Variants in FBRS observed in about 807,000 individuals in gnomAD.
FBRS encodes fibrosin, also known as probable fibrosin-1.
FBRS carries 15 observed loss-of-function variants against 86.1 expected under a neutral mutation model. That is an observed-to-expected ratio of 0.17 (90% CI 0.12 to 0.27). FBRS has a LOEUF of 0.27. Among genes scored for constraint, FBRS ranks in the 10% least tolerant of loss-of-function variants. FBRS has a pLI of 1.00. For missense variants in FBRS, 1,367 were observed against 1,301.6 expected, an observed-to-expected ratio of 1.05 and a Z score of -0.77; for synonymous variants, 666 against 575.8, an observed-to-expected ratio of 1.16 and a Z score of -2.24.
chr16:30,669,087 G>A lies in FBRS; in HGVS notation c.2385G>A (p.Arg795=). 3 of 1,598,364 alleles carry A rather than the reference G, an allele frequency of 1.9e-6. No individual in the cohort carries two copies. Among genetic ancestry groups the A allele is most frequent in the Non-Finnish European group, 2.6e-6 (3 of 1,173,464 alleles). The change falls in exon 18 of 18, where the codon CGG becomes CGA. Residue 795 remains arginine, a synonymous_variant. Coordinates refer to ENST00000356166, the MANE Select transcript of FBRS (RefSeq NM_001105079.3). This position sits in a 1 kb window ranked among gnomAD's most constrained non-coding sequence, Gnocchi z 5.9. ...CCTCCAGGGACCTCCCCTTCTCACG[G>A]CCCCAGCTCCGAGTTTCTCCTGCTA... ...EEKDRDLPFS[R]PQLRVSPATP...
chr16:30,668,671 G>T (rs529120298), intron 16 of FBRS, 28 bp downstream of exon 16: 59 of 1,588,508 alleles, frequency 3.7e-5, no homozygotes, highest in East Asian at 6.8e-5. Context: ...GGGGTGGGGG[G>T]GCTGCGGCCA....
intron 6 of FBRS, among the ~76,000 whole-genome samples, chr16:30,663,962 G>A (rs1004169495): frequency 6.6e-6 from 1 of 152,196 alleles, no homozygotes; most frequent in Non-Finnish European, 1.5e-5. Flanking sequence ...GAAAGGGAAA[G>A]TCATCTGGCC....
Position 30,659,771 on chromosome 16 carries a change from C to T in FBRS, c.253C>T (p.Arg85Cys), listed in dbSNP as rs1178565005. The T allele has an allele frequency of 2.7e-6, 4 of 1,458,890 alleles. No homozygotes were observed. The African/African-American group carries it at 4.3e-5, about 16-fold the overall frequency. The allele number at this position is 1,458,890 out of a possible 1,614,324, so 90.4% of individuals were successfully genotyped here. The stretch of plus-strand genomic sequence containing the variant: ...TGGGGGCCCGAGACGCCGGCGGCCC[C>T]GTCCGAGACCTCGACCCCCGCGACC... Reference protein sequence around the residue: ...RPGGPRRRRPRPRPRPPRPRA... With the variant: ...RPGGPRRRRPCPRPRPPRPRA... Residue 85 changes from arginine (R) to cysteine (C), a missense_variant, in exon 1 of 18, where the codon CGT (arginine) becomes TGT (cysteine). By Grantham distance (180) the Arg-to-Cys change is radical. This residue lies in a region of FBRS where 702 missense variants were observed against 598.7 expected (regional missense o/e 1.17). Transcript: ENST00000356166.
intron 15 of FBRS, 79 bp downstream of exon 15, chr16:30,667,701 C>A (rs2052540160): frequency 3.1e-6 from 4 of 1,306,940 alleles, no homozygotes; most frequent in Non-Finnish European, 4.1e-6. Flanking sequence ...CAGCAGGCAG[C>A]TGGAATGCAG....
At chr16:30,661,972 G>A (rs1435976372) in intron 4 of FBRS, 3 of 198,618 alleles carry the variant, frequency 1.5e-5, no homozygotes, top group Non-Finnish European at 3.1e-5. Flanking sequence ...TAGGCTGATT[G>A]TTGCTACGAG....
Position 30,665,677 on chromosome 16 carries a change from C to G in FBRS, c.1744C>G (p.Pro582Ala). The change falls in exon 11 of 18, where the codon CCG (proline) becomes GCG (alanine). Residue 582 changes from proline to alanine, a missense_variant. Around this residue, in one of 3 missense-constraint regions of FBRS, gnomAD observed 659 missense variants for 678.8 expected, o/e 0.97. Transcript: ENST00000356166. The surrounding 1 kb of genome is among the most constrained non-coding windows in gnomAD (Gnocchi z 4.1). ...GCTGCCACCACGACTGGGGCCGGTG[C>G]CGAGCGGGCTCTCCCAGAAGGGGAC... is the stretch of plus-strand genomic sequence containing the variant. ...PELPPRLGPVPSGLSQKGTQI... is the reference protein window; with the variant it reads ...PELPPRLGPVASGLSQKGTQI... 2 of 1,590,592 alleles carry G rather than the reference C, an allele frequency of 1.3e-6. No homozygotes were observed. The highest frequency in any genetic ancestry group is 8.6e-7 in the Non-Finnish European group (1 of 1,168,866).
At position 30,665,702 on chromosome 16, in the gene FBRS, C is replaced by T; in HGVS notation, c.1769C>T (p.Thr590Ile). The T allele has an allele frequency of 6.3e-7, 1 of 1,580,488 alleles. No homozygotes were observed. The highest frequency in any genetic ancestry group is 8.6e-7 in the Non-Finnish European group (1 of 1,163,268). ...PVPSGLSQKG[T>I]QIPDHFRPPL... ...CCGAGCGGGCTCTCCCAGAAGGGGA[C>T]ACAGGTGAGGGGGCCAGGGCAGGTC... The change falls in exon 11 of 18, where the codon ACA (threonine) becomes ATA (isoleucine). Residue 590 changes from threonine to isoleucine, a missense_variant. This residue lies in a region of FBRS where 659 missense variants were observed against 678.8 expected (regional missense o/e 0.97). Coordinates refer to ENST00000356166, the MANE Select transcript of FBRS (RefSeq NM_001105079.3). The surrounding 1 kb of genome is among the most constrained non-coding windows in gnomAD (Gnocchi z 4.1).
rs1391532475 is a variant in FBRS at position 30,662,563 on chromosome 16, G to A, written c.759G>A (p.Ser253=). The A allele has an allele frequency of 2.6e-6, 4 of 1,544,064 alleles. No individual in the cohort carries two copies. Among genetic ancestry groups the A allele is most frequent in the Non-Finnish European group, 2.6e-6 (3 of 1,142,314 alleles). ...PSFTVSTSKA[S]GPHGAFNGNC... is the part of the protein sequence containing the mutation. ...GTCTGCCATCCTGCCCCACAGCCTC[G>A]GGCCCCCACGGCGCCTTCAATGGGA... The change falls in exon 6 of 18, where the codon TCG becomes TCA. Residue 253 remains serine, a synonymous_variant. Transcript: ENST00000356166.
intron 3 of FBRS, 43 bp from the exon 4 acceptor site, chr16:30,661,261 G>A (rs1214909160): frequency 6.4e-7 from 1 of 1,550,832 alleles, no homozygotes; most frequent in Admixed American, 2.0e-5. Flanking sequence ...TCCACCCTGG[G>A]CCTCTTCCCT....
In FBRS at chr16:30,662,918, G is replaced by C. The variant is rs557868511; in HGVS notation, c.1055+59G>C. 2.9e-6 allele frequency: 4 copies of C among 1,391,602 alleles called. No individual in the cohort carries two copies. The East Asian group carries it at 1.1e-4, about 38-fold the overall frequency. 86.2% of individuals were successfully genotyped at this position (1,391,602 alleles called of 1,614,324 possible). On this transcript the variant is annotated intron_variant, in intron 6 of 17. Coordinates refer to ENST00000356166, the MANE Select transcript of FBRS (RefSeq NM_001105079.3). ...AGGGCCTGGTCAGTTTGGTGGCGGG[G>C]ACACAGGATGGTACCTGTGGGGTAT...
Position 30,669,685 on chromosome 16 carries a change from T to C in FBRS, c.*40T>C, listed in dbSNP as rs1201973390. On this transcript the variant is annotated 3_prime_UTR_variant, in exon 18 of 18. Coordinates refer to ENST00000356166, the MANE Select transcript of FBRS (RefSeq NM_001105079.3). This position sits in a 1 kb window ranked among gnomAD's most constrained non-coding sequence, Gnocchi z 5.9. ...GGTCGGGGCAAAGCTCCATCTCCCC[T>C]TCCTTTAACCAGGTCCTAGGGCTGA... The C allele has an allele frequency of 6.5e-7, 1 of 1,544,084 alleles. No individual in the cohort carries two copies. The highest frequency in any genetic ancestry group is 1.4e-5 in the African/African-American group (1 of 72,664).
Position 30,659,672 on chromosome 16 carries a change from C to T in FBRS, c.154C>T (p.Arg52Cys), listed in dbSNP as rs2052430524. ...GCCCCGGGCCCTGTTGGCCGCCCCGCGCGGCTCCTCGTCCTCGTCGTCGCC... is the reference window on the plus strand; with the variant it reads ...GCCCCGGGCCCTGTTGGCCGCCCCGTGCGGCTCCTCGTCCTCGTCGTCGCC... ...DAPRALLAAP[R>C]GSSSSSSPPP... Residue 52 changes from arginine (R) to cysteine (C), a missense_variant, in exon 1 of 18, where the codon CGC becomes TGC. By Grantham distance (180) the Arg-to-Cys change is radical (BLOSUM62 -3). Transcript: ENST00000356166. The T allele has an allele frequency of 5.9e-6, 4 of 677,456 alleles. No individual in the cohort carries two copies. Among genetic ancestry groups the T allele is most frequent in the Admixed American group, 3.4e-5 (1 of 29,732 alleles). The allele number at this position is 677,456 out of a possible 1,614,324, so 42.0% of individuals were successfully genotyped here.
In FBRS at chr16:30,664,308, C is replaced by T. The variant is rs563208826; in HGVS notation, c.1149C>T (p.Ser383=). The part of the protein sequence containing the change: ...SSSSSSSSSA[S]SSSAQLTHRP... ...CGTCCTCCTCCTCCTCATCTGCCTC[C>T]TCCTCGTCCGCGCAGCTCACCCACC... Residue 383 remains serine, a synonymous_variant, in exon 7 of 18, where the codon TCC becomes TCT. Transcript: ENST00000356166. 1.8e-5 allele frequency: 28 copies of T among 1,540,282 alleles called. No individual in the cohort carries two copies. Among genetic ancestry groups the T allele is most frequent in the Non-Finnish European group, 2.5e-5 (28 of 1,140,268 alleles).
intron 2 of FBRS, 126 bp from the exon 3 acceptor site, chr16:30,661,054 A>G (rs1002273119): frequency 7.0e-7 from 1 of 1,422,832 alleles, no homozygotes; most frequent in South Asian, 1.3e-5. Flanking sequence ...CAGTGGCGGG[A>G]GAAGCAGCTG....
chr16:30,669,803 A>T lies in FBRS; in HGVS notation c.*158A>T, dbSNP rs1688681876. On this transcript the variant is annotated 3_prime_UTR_variant, in exon 18 of 18. Coordinates refer to ENST00000356166, the MANE Select transcript of FBRS (RefSeq NM_001105079.3). This position sits in a 1 kb window ranked among gnomAD's most constrained non-coding sequence, Gnocchi z 5.9. ...GGGAACAGAAGCCTCAACCCCCACAAGACCAAGCATCACATGGAGTGTAGG... is the reference window on the plus strand; with the variant it reads ...GGGAACAGAAGCCTCAACCCCCACATGACCAAGCATCACATGGAGTGTAGG... 2.2e-6 allele frequency: 2 copies of T among 920,960 alleles called. No individual in the cohort carries two copies. Among genetic ancestry groups the T allele is most frequent in the Non-Finnish European group, 3.2e-6 (2 of 630,312 alleles). The allele number at this position is 920,960 out of a possible 1,614,324, so 57.0% of individuals were successfully genotyped here.
Position 30,669,213 on chromosome 16 carries a change from T to C in FBRS, c.2511T>C (p.Ala837=), listed in dbSNP as rs766290155. 260 of 1,543,568 alleles carry C rather than the reference T, an allele frequency of 1.7e-4. No homozygotes were observed. The highest frequency in any genetic ancestry group is 2.8e-4 in the Admixed American group (14 of 50,406). ...RKEEAAAAAA[A]AAAAAAAAAA... is the part of the protein sequence containing the mutation. ...AGGAGGCTGCCGCCGCCGCTGCCGC[T>C]GCTGCTGCCGCCGCCGCTGCCGCCG... Residue 837 remains alanine, a synonymous_variant, in exon 18 of 18, where the codon GCT becomes GCC. Transcript: ENST00000356166. The surrounding 1 kb of genome is among the most constrained non-coding windows in gnomAD (Gnocchi z 5.9).
Position 30,664,739 on chromosome 16 carries a change from T to G in FBRS, c.1382T>G (p.Leu461Arg). Residue 461 changes from leucine (L) to arginine (R), a missense_variant, in exon 8 of 18, where the codon CTG (leucine) becomes CGG (arginine). By Grantham distance (102) the Leu-to-Arg change is moderately radical. Around this residue, in one of 3 missense-constraint regions of FBRS, gnomAD observed 702 missense variants for 598.7 expected, o/e 1.17. Transcript: ENST00000356166. ...LSEQDLIGQD[L>R]NSRYLNAQGG... ...GAGCAGGACCTGATCGGCCAGGACC[T>G]GAACTCTCGCTACCTGAATGCCCAG... 1 of 1,548,110 alleles carries G rather than the reference T, an allele frequency of 6.5e-7. No homozygotes were observed.
In FBRS at chr16:30,662,665, C is replaced by T. The variant is rs1567544529; in HGVS notation, c.861C>T (p.Asp287=). 3 of 1,548,948 alleles carry T rather than the reference C, an allele frequency of 1.9e-6. No individual in the cohort carries two copies. The highest frequency in any genetic ancestry group is 1.7e-4 in the Middle Eastern group (1 of 5,980). The change falls in exon 6 of 18, where the codon GAC becomes GAT. Residue 287 remains aspartate, a synonymous_variant. Transcript: ENST00000356166. ...GCCAAGAACAGCCCCCGGGGCCCGACCCGCTGCTAGTGCCTTTCCCCCCAA... is the reference window on the plus strand; with the variant it reads ...GCCAAGAACAGCCCCCGGGGCCCGATCCGCTGCTAGTGCCTTTCCCCCCAA... ...ERSQEQPPGP[D]PLLVPFPPKE... is the part of the protein sequence containing the mutation.
At chr16:30,667,871 C>T (rs932212762) in intron 15 of FBRS, 9 of 420,986 alleles carry the variant, frequency 2.1e-5, no homozygotes, top group Non-Finnish European at 2.5e-5. Context: ...AGGGGCAGTA[C>T]GCCACCTGGA....
Sources: allele counts gnomAD v4.1 joint callset (sites outside exome capture counted in the v4.1 genomes callset), GRCh38; gene constraint gnomAD v4.1.1; regional missense constraint gnomAD v4.1.1; non-coding constraint Gnocchi (gnomAD v3.1); transcripts MANE v1.5; gene names NCBI Gene and HGNC (gene_info 2026-07-23, HGNC 2026-07-21).